IQGAP2: variants seen among roughly 807,000 people sequenced by gnomAD.
IQGAP2 encodes IQ motif containing GTPase activating protein 2.
In IQGAP2, 173 loss-of-function variants were observed where a neutral mutation model predicts 201.3. That is an observed-to-expected ratio of 0.86 (90% CI 0.76 to 0.98). IQGAP2 has a LOEUF of 0.98. Ranked by LOEUF, IQGAP2 falls within the 50% of genes least tolerant of loss-of-function variation. IQGAP2 has a pLI of 0.00. For synonymous variants in IQGAP2, 675 were observed against 673.9 expected (o/e 1.00, Z -0.03); for missense variants, 1,687 against 1,864.8 (o/e 0.90, Z 1.76).
At chr5:76,415,388 A>G (rs981792717) in intron 1 of IQGAP2, among the ~76,000 whole-genome samples, 6 of 152,246 alleles carry the variant, frequency 3.9e-5, no homozygotes, top group African/African-American at 1.4e-4. Flanking sequence ...ATTTTCAGCT[A>G]TACATGTTTT....
intron 5 of IQGAP2, among the ~76,000 whole-genome samples, chr5:76,577,355 T>C (rs996881975): frequency 1.3e-5 from 2 of 152,226 alleles, no homozygotes; most frequent in Non-Finnish European, 2.9e-5. Context: ...ACTTTTTGTT[T>C]ATTATTACCA....
At chr5:76,690,247 G>C (rs979640007) in intron 30 of IQGAP2, among the ~76,000 whole-genome samples, 1 of 152,190 alleles carries the variant, frequency 6.6e-6, no homozygotes, top group Non-Finnish European at 1.5e-5. Flanking sequence ...GCAGGACTGT[G>C]AGCTCTCTGC....
chr5:76,468,481 ATCC>A (rs1440036705), intron 2 of IQGAP2, among the ~76,000 whole-genome samples: 1 of 152,148 alleles, frequency 6.6e-6, no homozygotes. Context: ...TCCAGCCATC[ATCC>A]TCCTAAACAG....
At chr5:76,411,757 G>A (rs929172827) in intron 1 of IQGAP2, among the ~76,000 whole-genome samples, 4 of 152,154 alleles carry the variant, frequency 2.6e-5, no homozygotes, top group Non-Finnish European at 5.9e-5. Flanking sequence ...CCAGTCTCAG[G>A]TATTCTGTTA....
chr5:76,510,412 C>T (rs528265977), intron 2 of IQGAP2: 11 of 230,486 alleles, frequency 4.8e-5, no homozygotes, highest in South Asian at 9.6e-5. Flanking sequence ...GCAGTGATGA[C>T]GGTGCAGGGC....
chr5:76,656,651 A>C (rs922620228), intron 20 of IQGAP2, among the ~76,000 whole-genome samples: 41 of 151,902 alleles, frequency 2.7e-4, no homozygotes, highest in Non-Finnish European at 5.4e-4. Context: ...TTTTTTAAGC[A>C]GTTATAGTGA....
At chr5:76,622,095 T>C (rs1749744636) in intron 13 of IQGAP2, among the ~76,000 whole-genome samples, 1 of 152,202 alleles carries the variant, frequency 6.6e-6, no homozygotes, top group African/African-American at 2.4e-5. Context: ...ACAAGCTTGC[T>C]TCATTCTTCC....
At chr5:76,423,702 A>C (rs1002422945) in intron 1 of IQGAP2, among the ~76,000 whole-genome samples, 4 of 152,214 alleles carry the variant, frequency 2.6e-5, no homozygotes, top group African/African-American at 9.7e-5. Flanking sequence ...GAGTGGGAAG[A>C]GTGCAGAAGT....
intron 15 of IQGAP2, among the ~76,000 whole-genome samples, chr5:76,636,004 A>G (rs1279413861): frequency 2.6e-5 from 4 of 152,208 alleles, no homozygotes; most frequent in Non-Finnish European, 5.9e-5. Flanking sequence ...TTGAAAAGAG[A>G]TACATCTCTC....
chr5:76,686,650 C>T (rs1227872796), intron 30 of IQGAP2, among the ~76,000 whole-genome samples: 1 of 152,164 alleles, frequency 6.6e-6, no homozygotes, highest in African/African-American at 2.4e-5. Flanking sequence ...GCTGGGACTA[C>T]AGGTGTCTGC....
intron 2 of IQGAP2, among the ~76,000 whole-genome samples, chr5:76,515,243 C>T (rs1314797545): frequency 6.6e-6 from 1 of 152,202 alleles, no homozygotes; most frequent in Non-Finnish European, 1.5e-5. Flanking sequence ...TTGCCTTTAC[C>T]TATTTTTCCT....
chr5:76,567,973 A>G (rs1448983553), intron 3 of IQGAP2, among the ~76,000 whole-genome samples: 3 of 152,232 alleles, frequency 2.0e-5, no homozygotes, highest in Non-Finnish European at 2.9e-5. Flanking sequence ...GACTGTAGAC[A>G]TGTCACCTCA....
intron 2 of IQGAP2, among the ~76,000 whole-genome samples, chr5:76,466,696 AT>A (rs998608599): frequency 6.6e-6 from 1 of 152,170 alleles, no homozygotes; most frequent in Admixed American, 6.5e-5. Flanking sequence ...GTATACAAAC[AT>A]TTTCTTAAAA....
intron 17 of IQGAP2, among the ~76,000 whole-genome samples, chr5:76,645,599 A>G (rs996404300): frequency 2.0e-5 from 3 of 152,178 alleles, no homozygotes; most frequent in African/African-American, 7.2e-5. Flanking sequence ...TCTGATGACC[A>G]GTGATGATGA....
rs56929376 is a variant in IQGAP2, at chr5:76,501,643, C to CT, written c.146+39988dup. Among the ~76,000 whole-genome samples, 44 of 101,130 alleles carry CT rather than the reference C, an allele frequency of 4.4e-4. 1 individual carries two copies. The highest frequency in any genetic ancestry group is 6.8e-3 in the Middle Eastern group (1 of 146). 66.3% of individuals were successfully genotyped at this position (101,130 alleles called of 152,430 possible). A position where few individuals can be genotyped will look rare whatever the true frequency, so the allele number is the denominator to read the frequency against. ...CCTGCTGCATTTTCTTTTTCCTTTT[C>CT]TTTTTTTTTTTTTTCCTTGAGACAG... is the stretch of plus-strand genomic sequence containing the variant. On this transcript the variant is annotated intron_variant, in intron 2 of 35. Transcript: ENST00000274364.
At chr5:76,460,711 A>G (rs1267010829) in intron 1 of IQGAP2, among the ~76,000 whole-genome samples, 2 of 152,082 alleles carry the variant, frequency 1.3e-5, no homozygotes, top group Admixed American at 6.5e-5. Context: ...ACACATGTCA[A>G]TCTTTGTTGA....
intron 13 of IQGAP2, chr5:76,617,785 C>A: frequency 6.2e-7 from 1 of 1,613,530 alleles, no homozygotes; most frequent in African/African-American, 1.3e-5. Flanking sequence ...GTAAAAATCA[C>A]AAGGATGAGG....
At chr5:76,624,943 G>A (rs1157698981) in intron 13 of IQGAP2, among the ~76,000 whole-genome samples, 2 of 152,088 alleles carry the variant, frequency 1.3e-5, no homozygotes, top group South Asian at 2.1e-4. Flanking sequence ...GCGTGGTGGC[G>A]GGCGCCTGTT....
intron 10 of IQGAP2, among the ~76,000 whole-genome samples, chr5:76,600,436 T>A (rs922529597): frequency 8.5e-5 from 13 of 152,220 alleles, no homozygotes; most frequent in African/African-American, 3.1e-4. Flanking sequence ...TCGTTAGCTG[T>A]GCTAAAATGT....
Sources: allele counts gnomAD v4.1 joint callset (sites outside exome capture counted in the v4.1 genomes callset), GRCh38; gene constraint gnomAD v4.1.1; transcripts MANE v1.5; gene names NCBI Gene and HGNC (gene_info 2026-07-23, HGNC 2026-07-21).